The following ZNF25 variants were observed in gnomAD, a reference collection of about 807,000 sequenced individuals.
ZNF25 encodes zinc finger protein 25 (KOX 19).
Under a neutral mutation model 30.9 loss-of-function variants are expected in ZNF25, and 21 were observed. That is an observed-to-expected ratio of 0.68 (90% CI 0.48 to 0.98). ZNF25 has a LOEUF of 0.98. ZNF25 is among the 50% of genes least tolerant of loss of function. ZNF25 has a pLI of 0.00. For synonymous variants in ZNF25, 169 were observed against 181.3 expected, an observed-to-expected ratio of 0.93 and a Z score of 0.55; for missense variants, 501 against 529.9, an observed-to-expected ratio of 0.95 and a Z score of 0.54.
chr10:37,974,683 C>A (rs192900298), intron 1 of ZNF25, among the ~76,000 whole-genome samples: 1 of 152,276 alleles, frequency 6.6e-6, no homozygotes, highest in East Asian at 1.9e-4. Flanking sequence ...CTAGTACAGC[C>A]ACTGTGGAAA....
intron 2 of ZNF25, among the ~76,000 whole-genome samples, chr10:37,965,319 A>T (rs1590273673): frequency 6.6e-6 from 1 of 152,250 alleles, no homozygotes; most frequent in East Asian, 1.9e-4. Flanking sequence ...TGGGAAGGGG[A>T]CCACTGCCCT....
rs970469136 is a variant in ZNF25 at position 37,949,969 on chromosome 10, GA to G, written c.*2157del. The G allele has an allele frequency of 6.6e-6, 1 of 152,470 alleles. No individual in the cohort carries two copies. The highest frequency in any genetic ancestry group is 6.5e-5 in the Admixed American group (1 of 15,282). The allele number at this position is 152,470 out of a possible 1,614,324, so 9.4% of individuals were successfully genotyped here. ...TAGCAAGTAAAAAACACATTTCTTT[GA>G]AAAAAATACTTCTAAGCTCAGGCTC... On this transcript the variant is annotated 3_prime_UTR_variant, in exon 6 of 6. Transcript: ENST00000302609.
chr10:37,952,275 G>C lies in ZNF25; in HGVS notation c.1223C>G (p.Ser408Cys). ...YACKECGKSF[S>C]QKSHFIIHQR... ...ATGTATAATAAAATGTGACTTCTGAGAAAAGGACTTCCCACATTCCTTGCA... is the reference window on the plus strand; with the variant it reads ...ATGTATAATAAAATGTGACTTCTGACAAAAGGACTTCCCACATTCCTTGCA... The change falls in exon 6 of 6, where the codon TCT becomes TGT. Residue 408 changes from serine to cysteine, a missense_variant. Transcript: ENST00000302609. 6.2e-7 allele frequency: 1 copy of C among 1,604,864 alleles called. No homozygotes were observed. Among genetic ancestry groups the C allele is most frequent in the Non-Finnish European group, 8.5e-7 (1 of 1,176,784 alleles).
intron 4 of ZNF25, among the ~76,000 whole-genome samples, chr10:37,955,366 T>C (rs867133830): frequency 7.9e-5 from 12 of 152,172 alleles, no homozygotes; most frequent in African/African-American, 2.2e-4. Flanking sequence ...ACTGAGTCAG[T>C]ATTAAGTATA....
rs2062253852 is a variant in ZNF25, at chr10:37,952,905, C to T, written c.593G>A (p.Gly198Glu). ...CTGATTACATTCATAGGGTTTCTCT[C>T]CTGCATGGGTTCTCAGATGTCTACT... Reference protein sequence around the residue: ...SLSRHLRTHAGEKPYECNQCE... With the variant: ...SLSRHLRTHAEEKPYECNQCE... The change falls in exon 6 of 6, where the codon GGA (glycine) becomes GAA (glutamate). Residue 198 changes from glycine to glutamate, a missense_variant. Physicochemically the swap from Gly to Glu is moderately conservative, Grantham distance 98. Coordinates refer to ENST00000302609, the MANE Select transcript of ZNF25 (RefSeq NM_145011.4). 6.2e-7 allele frequency: 1 copy of T among 1,614,124 alleles called. No homozygotes were observed. The highest frequency in any genetic ancestry group is 8.5e-7 in the Non-Finnish European group (1 of 1,180,014).
intron 4 of ZNF25, among the ~76,000 whole-genome samples, chr10:37,955,926 A>G (rs1472204125): frequency 6.6e-6 from 1 of 151,912 alleles, no homozygotes; most frequent in Non-Finnish European, 1.5e-5. Context: ...CAAGTGATCC[A>G]CCCACTTTGG....
chr10:37,975,995 A>C (rs909145401), intron 1 of ZNF25, among the ~76,000 whole-genome samples: 1 of 152,238 alleles, frequency 6.6e-6, no homozygotes, highest in South Asian at 2.1e-4. Context: ...GAGATGGTTA[A>C]GTCGAAAGGA....
chr10:37,970,540 T>C (rs1351708764), intron 2 of ZNF25, among the ~76,000 whole-genome samples: 16 of 152,184 alleles, frequency 1.1e-4, no homozygotes, highest in Admixed American at 1.0e-3. Context: ...ATGGCTAAAT[T>C]CTTTCCCCCC....
At chr10:37,953,626 A>G in intron 5 of ZNF25, 69 bp downstream of exon 5, 1 of 1,459,756 alleles carries the variant, frequency 6.9e-7, no homozygotes, top group Non-Finnish European at 9.6e-7. Context: ...GTGCCCTCCC[A>G]TTTCTAGTAA....
rs1216360230 is a variant in ZNF25 at position 37,952,411 on chromosome 10, T to A, written c.1087A>T (p.Lys363Ter). ...TCATAGGGCTTCTCCCCTGTGTGTT[T>A]TCTCTGATGTTTAGTGAGGTCTGAT... ...YKSDLTKHQR[K>*]HTGEKPYECT... Residue 363 changes from lysine to a stop codon, truncating the protein, a stop_gained, in exon 6 of 6, where the codon AAA (lysine) becomes TAA (stop). Transcript: ENST00000302609. LOFTEE classifies it low-confidence loss of function (END_TRUNC). 6.2e-7 allele frequency: 1 copy of A among 1,614,168 alleles called. No individual in the cohort carries two copies. Among genetic ancestry groups the A allele is most frequent in the East Asian group, 2.2e-5 (1 of 44,880 alleles).
chr10:37,966,560 T>C (rs983567590), intron 2 of ZNF25, among the ~76,000 whole-genome samples: 1 of 152,054 alleles, frequency 6.6e-6, no homozygotes, highest in Non-Finnish European at 1.5e-5. Context: ...GAAGGAGAAG[T>C]TGGCACATCT....
rs768302305 is a variant in ZNF25, at chr10:37,957,476, T to C, written c.86A>G (p.Gln29Arg). ...KEEWKLLTPA[Q>R]RTLYKDVMLE... ...CATCACATCCTTATACAGAGTCCTC[T>C]GAGCAGGGGTCAGTAACTTCCATTC... Residue 29 changes from glutamine to arginine, a missense_variant, in exon 3 of 6, where the codon CAG (glutamine) becomes CGG (arginine). Transcript: ENST00000302609. 4 of 1,613,910 alleles carry C rather than the reference T, an allele frequency of 2.5e-6. No individual in the cohort carries two copies. Among genetic ancestry groups the C allele is most frequent in the Admixed American group, 1.7e-5 (1 of 59,998 alleles).
At chr10:37,967,421 C>CTTTT (rs34878046) in intron 2 of ZNF25, among the ~76,000 whole-genome samples, 1 of 145,030 alleles carries the variant, frequency 6.9e-6, no homozygotes, top group African/African-American at 2.5e-5. Flanking sequence ...TGATTTTCTT[C>CTTTT]TTTTTTTTTT....
intron 1 of ZNF25, among the ~76,000 whole-genome samples, chr10:37,973,005 C>T (rs2063581501): frequency 6.6e-6 from 1 of 151,988 alleles, no homozygotes; most frequent in Admixed American, 6.6e-5. Context: ...CCAGTCACTA[C>T]TAAAAGTACA....
At chr10:37,961,519 T>C (rs1375085486) in intron 2 of ZNF25, among the ~76,000 whole-genome samples, 5 of 151,966 alleles carry the variant, frequency 3.3e-5, no homozygotes, top group Admixed American at 3.3e-4. Flanking sequence ...GATGTTTTCA[T>C]AAATACAAAA....
chr10:37,968,126 C>T (rs2063289011), intron 2 of ZNF25, among the ~76,000 whole-genome samples: 1 of 152,158 alleles, frequency 6.6e-6, no homozygotes, highest in Admixed American at 6.5e-5. Context: ...GGCGCCATCT[C>T]AGCTCACCAC....
At chr10:37,967,139 C>T (rs1485974153) in intron 2 of ZNF25, among the ~76,000 whole-genome samples, 1 of 152,162 alleles carries the variant, frequency 6.6e-6, no homozygotes, top group Non-Finnish European at 1.5e-5. Context: ...AAGAAATCTA[C>T]AGATTCAAAC....
intron 2 of ZNF25, among the ~76,000 whole-genome samples, chr10:37,964,816 C>T (rs1051258466): frequency 6.6e-6 from 1 of 152,166 alleles, no homozygotes; most frequent in South Asian, 2.1e-4. Context: ...ATTAGCATGA[C>T]TCAAATGGAG....
intron 2 of ZNF25, among the ~76,000 whole-genome samples, chr10:37,966,122 TA>T (rs1307299225): frequency 2.6e-5 from 4 of 152,068 alleles, no homozygotes; most frequent in Non-Finnish European, 5.9e-5. Context: ...CACATTGCTA[TA>T]AAGAACTACC....
Sources: gnomAD v4.1 joint callset for allele counts (sites outside exome capture counted in the v4.1 genomes callset) on GRCh38, gnomAD v4.1.1 for gene constraint, MANE v1.5 for transcripts, NCBI Gene and HGNC (gene_info 2026-07-23, HGNC 2026-07-21) for gene names.